AFDN: variants seen among roughly 807,000 people sequenced by gnomAD.
AFDN encodes the protein afadin, adherens junction formation factor.
In AFDN, 68 loss-of-function variants were observed where a neutral mutation model predicts 216.6. The observed-to-expected ratio is 0.31, with a 90% CI of 0.26 to 0.38. AFDN has a LOEUF of 0.38. AFDN is among the 10% of genes least tolerant of loss of function. The pLI, the probability that AFDN is intolerant of heterozygous loss-of-function variation, is 1.00. For synonymous variants in AFDN, 868 were observed against 853.7 expected, an observed-to-expected ratio of 1.02 and a Z score of -0.29; for missense variants, 2,136 against 2,342.0, an observed-to-expected ratio of 0.91 and a Z score of 1.82.
At position 167,913,430 on chromosome 6, in the gene AFDN, C is replaced by T. The variant is rs1263811213; in HGVS notation, c.2058+7C>T. 24 of 1,535,706 alleles carry T rather than the reference C, an allele frequency of 1.6e-5. No homozygotes were observed. The highest frequency in any genetic ancestry group is 2.7e-5 in the African/African-American group (2 of 73,012). ...AGTAGACCAGGTTGACCAGGTAGGA[C>T]ATCTGCTGGGAGCTGATCCTAGCTG... On this transcript the variant is annotated splice_region_variant and intron_variant, in intron 16 of 33. Coordinates refer to ENST00000683244, the MANE Select transcript of AFDN (RefSeq NM_001386888.1).
chr6:167,866,564 T>C (rs1784210323), intron 2 of AFDN, among the ~76,000 whole-genome samples: 1 of 152,252 alleles, frequency 6.6e-6, no homozygotes, highest in African/African-American at 2.4e-5. Context: ...CATAAAATGA[T>C]GGAAAACTGA....
chr6:167,952,151 G>C lies in AFDN; in HGVS notation c.4797G>C (p.Leu1599=), dbSNP rs144519834. Residue 1599 remains leucine (L), a synonymous_variant, in exon 30 of 34, where the codon CTG becomes CTC. Transcript: ENST00000683244. The part of the protein sequence containing the change: ...EEEDDDVDTM[L]IMQRLEAERR... ...AGGACGATGATGTGGACACCATGCTGATCATGCAGCGCCTGGAGGCTGAAC... is the reference window on the plus strand; with the variant it reads ...AGGACGATGATGTGGACACCATGCTCATCATGCAGCGCCTGGAGGCTGAAC... 9.4e-5 allele frequency: 151 copies of C among 1,614,176 alleles called. No homozygotes were observed. The highest frequency in any genetic ancestry group is 1.2e-4 in the Non-Finnish European group (144 of 1,180,038).
chr6:167,875,587 A>G, intron 5 of AFDN, 92 bp downstream of exon 5: 2 of 1,325,040 alleles, frequency 1.5e-6, no homozygotes, highest in Admixed American at 4.2e-5. Context: ...TAACTAAAGC[A>G]ATGGGTGGTG....
chr6:167,963,652 T>C, intron 31 of AFDN: 2 of 1,060,354 alleles, frequency 1.9e-6, no homozygotes, highest in Non-Finnish European at 2.3e-6. Flanking sequence ...TTCTGCATTT[T>C]GTAGACCTTT....
At chr6:167,943,024 A>T (rs1794876659) in intron 23 of AFDN, 105 bp from the exon 24 acceptor site, 1 of 748,030 alleles carries the variant, frequency 1.3e-6, no homozygotes. Flanking sequence ...TGTTGCAGTT[A>T]TCTGTGTACA....
chr6:167,962,697 C>A lies in AFDN; in HGVS notation c.4968+130C>A, dbSNP rs1562349714. ...GAGGCAGAGCAGGGCCTGGCTCCCC[C>A]AGCTTTGTGATTGGACCTGCAACTT... On this transcript the variant is annotated intron_variant, in intron 31 of 33. Coordinates refer to ENST00000683244, the MANE Select transcript of AFDN (RefSeq NM_001386888.1). This position sits in a 1 kb window ranked among gnomAD's most constrained non-coding sequence, Gnocchi z 5.2. 4 of 1,545,190 alleles carry A rather than the reference C, an allele frequency of 2.6e-6. No homozygotes were observed. The highest frequency in any genetic ancestry group is 3.5e-6 in the Non-Finnish European group (4 of 1,145,834).
chr6:167,964,581 CA>C, intron 31 of AFDN: 1 of 1,064,802 alleles, frequency 9.4e-7, no homozygotes, highest in Non-Finnish European at 1.1e-6. Context: ...TTTTCTCCCT[CA>C]AAAGGTGAAG....
At chr6:167,954,466 T>C (rs757130355) in intron 30 of AFDN, 3 of 1,602,838 alleles carry the variant, frequency 1.9e-6, no homozygotes, top group Non-Finnish European at 2.5e-6. Context: ...AGCAGACTGC[T>C]ATGCCAGCAA....
At chr6:167,874,723 C>T (rs948533409) in intron 4 of AFDN, among the ~76,000 whole-genome samples, 2 of 147,528 alleles carry the variant, frequency 1.4e-5, no homozygotes, top group Non-Finnish European at 3.0e-5. Context: ...TCAAGTGATT[C>T]TCCTGCCTCA....
intron 1 of AFDN, among the ~76,000 whole-genome samples, chr6:167,831,679 G>A (rs143251383): frequency 1.3e-5 from 2 of 152,284 alleles, no homozygotes; most frequent in East Asian, 3.9e-4. Context: ...TAGCAGAAGT[G>A]GGTCTTTCAT....
chr6:167,843,834 A>G (rs1781337870), intron 1 of AFDN, among the ~76,000 whole-genome samples: 1 of 152,200 alleles, frequency 6.6e-6, no homozygotes, highest in East Asian at 1.9e-4. Context: ...TAATCTGCTC[A>G]TATAATTAGA....
Position 167,890,995 on chromosome 6 carries a change from G to C in AFDN, c.1143G>C (p.Pro381=). The C allele has an allele frequency of 6.2e-7, 1 of 1,613,764 alleles. No homozygotes were observed. Among genetic ancestry groups the C allele is most frequent in the Non-Finnish European group, 8.5e-7 (1 of 1,179,842 alleles). Residue 381 remains proline, a synonymous_variant, in exon 8 of 34, where the codon CCG becomes CCC. Transcript: ENST00000683244. ...CTGGCTATGGCTCCACCCTTCCTCC[G>C]GAGAAGCTGCCCTATTTAGTAGAGT... The part of the protein sequence containing the change: ...DGSGYGSTLP[P]EKLPYLVELS...
intron 12 of AFDN, among the ~76,000 whole-genome samples, chr6:167,906,347 A>C (rs530490534): frequency 6.6e-6 from 1 of 152,340 alleles, no homozygotes; most frequent in South Asian, 2.1e-4. Context: ...TTTTATCAAG[A>C]AGATTGTAAA....
intron 12 of AFDN, among the ~76,000 whole-genome samples, chr6:167,906,778 A>T (rs1453925270): frequency 1.3e-5 from 2 of 152,240 alleles, no homozygotes; most frequent in Non-Finnish European, 2.9e-5. Flanking sequence ...AGAAATAATA[A>T]ACTTTAAAAA....
chr6:167,872,512 C>A, intron 4 of AFDN, 135 bp downstream of exon 4: 1 of 946,454 alleles, frequency 1.1e-6, no homozygotes. Context: ...GGGTCTACTC[C>A]CAGCTCTTCT....
In AFDN at chr6:167,947,836, C is replaced by A. The variant is rs1300351943; in HGVS notation, c.3554-17C>A. ...ATTTAATATTACACTTTTTTTTTTC[C>A]CCCCTGACTTGAGCAGATCAGCCTC... On this transcript the variant is annotated splice_polypyrimidine_tract_variant and intron_variant, in intron 27 of 33. Coordinates refer to ENST00000683244, the MANE Select transcript of AFDN (RefSeq NM_001386888.1). 2 of 1,541,720 alleles carry A rather than the reference C, an allele frequency of 1.3e-6. No individual in the cohort carries two copies. The highest frequency in any genetic ancestry group is 2.3e-5 in the East Asian group (1 of 44,260).
chr6:167,869,001 C>T (rs2128242159), intron 2 of AFDN, among the ~76,000 whole-genome samples: 1 of 151,678 alleles, frequency 6.6e-6, no homozygotes, highest in Admixed American at 6.6e-5. Context: ...GTCTCAAACT[C>T]TTGAGCTCGA....
chr6:167,967,704 C>T (rs1036170380), intron 32 of AFDN, among the ~76,000 whole-genome samples: 1 of 152,128 alleles, frequency 6.6e-6, no homozygotes, highest in African/African-American at 2.4e-5. Context: ...CCTCACAGGA[C>T]CAGGTCATAG....
At position 167,862,252 on chromosome 6, in the gene AFDN, C is replaced by T. The variant is rs527515098; in HGVS notation, c.106-2299C>T. On this transcript the variant is annotated intron_variant, in intron 1 of 33. Transcript: ENST00000683244. ...GTGAAGGAAAGCTGGGGAGACAGTG[C>T]GTAGGACGTGGTCAGCACAGTACCT... 1.1e-4 allele frequency among the ~76,000 whole-genome samples: 17 copies of T among 152,220 alleles called. No homozygotes were observed. In the East Asian group the frequency reaches 1.7e-3, roughly 16 times the overall value.
Sources: gnomAD v4.1 joint callset for allele counts (sites outside exome capture counted in the v4.1 genomes callset) on GRCh38, gnomAD v4.1.1 for gene constraint, Gnocchi (gnomAD v3.1) non-coding constraint, MANE v1.5 for transcripts, NCBI Gene and HGNC (gene_info 2026-07-23, HGNC 2026-07-21) for gene names.